NEBL: variants seen among roughly 807,000 people sequenced by gnomAD.
NEBL encodes nebulette.
In NEBL, 122 loss-of-function variants were observed where a neutral mutation model predicts 140.2. The ratio of observed to expected loss-of-function variants is 0.87; its 90% CI spans 0.75 to 1.01. NEBL has a LOEUF of 1.01. NEBL is among the 50% of genes least tolerant of loss of function. NEBL has a pLI of 0.00. For synonymous variants in NEBL, 436 were observed against 398.9 expected (o/e 1.09, Z -1.11); for missense variants, 1,365 against 1,231.3 (o/e 1.11, Z -1.62).
At chr10:21,029,292 T>A in intron 2 of NEBL, 1 of 1,608,448 alleles carries the variant, frequency 6.2e-7, no homozygotes, top group Non-Finnish European at 8.5e-7. Context: ...CCTACACTTC[T>A]TTTCTAGGGA....
At chr10:20,807,510 G>A (rs1837713174) in intron 26 of NEBL, among the ~76,000 whole-genome samples, 1 of 152,152 alleles carries the variant, frequency 6.6e-6, no homozygotes, top group Non-Finnish European at 1.5e-5. Context: ...TACAATTCAA[G>A]ATGTATAGAA....
intron 3 of NEBL, among the ~76,000 whole-genome samples, chr10:21,229,181 G>T (rs1842211189): frequency 6.6e-6 from 1 of 152,180 alleles, no homozygotes; most frequent in Non-Finnish European, 1.5e-5. Flanking sequence ...AGCACTTTGG[G>T]AGGCCAAGGC....
intron 2 of NEBL, among the ~76,000 whole-genome samples, chr10:21,036,083 A>G (rs1029398074): frequency 2.6e-5 from 4 of 152,234 alleles, no homozygotes; most frequent in East Asian, 1.9e-4. Context: ...GAATCACTTG[A>G]ACCCAGGGGG....
At chr10:21,161,099 G>A (rs953383880) in intron 2 of NEBL, among the ~76,000 whole-genome samples, 2 of 152,136 alleles carry the variant, frequency 1.3e-5, no homozygotes, top group Non-Finnish European at 2.9e-5. Context: ...CTGTTCATGT[G>A]CATTATCAGT....
chr10:21,042,803 T>C (rs1834332334), intron 2 of NEBL, among the ~76,000 whole-genome samples: 1 of 152,246 alleles, frequency 6.6e-6, no homozygotes, highest in South Asian at 2.1e-4. Context: ...AATTTTCTCT[T>C]TCACATGATA....
At chr10:21,211,820 G>A (rs113346430) in intron 3 of NEBL, among the ~76,000 whole-genome samples, 9 of 152,152 alleles carry the variant, frequency 5.9e-5, no homozygotes, top group Non-Finnish European at 8.8e-5. Context: ...TGATGGAAAC[G>A]GATCTGTCGT....
At chr10:20,888,998 C>G (rs960032663) in intron 3 of NEBL, among the ~76,000 whole-genome samples, 1 of 152,218 alleles carries the variant, frequency 6.6e-6, no homozygotes, top group Non-Finnish European at 1.5e-5. Context: ...TCTGCTACCA[C>G]ACTCTTTGGA....
chr10:21,011,489 G>T (rs924147494), intron 3 of NEBL, among the ~76,000 whole-genome samples: 1 of 152,190 alleles, frequency 6.6e-6, no homozygotes, highest in Non-Finnish European at 1.5e-5. Context: ...CCTGCTTCCT[G>T]GTTCCCCTCT....
chr10:20,903,299 T>G (rs143782776), intron 4 of NEBL, among the ~76,000 whole-genome samples: 110 of 152,086 alleles, frequency 7.2e-4, no homozygotes, highest in Non-Finnish European at 1.3e-3. Context: ...TAAATGCAAA[T>G]TAAAACCACA....
chr10:21,140,649 A>C (rs973648541), intron 2 of NEBL, among the ~76,000 whole-genome samples: 4 of 152,228 alleles, frequency 2.6e-5, no homozygotes, highest in Non-Finnish European at 5.9e-5. Context: ...ACGGTAAAAT[A>C]AAATCACACA....
chr10:20,850,630 T>C (rs1439257819), intron 10 of NEBL, 128 bp from the exon 11 acceptor site: 1 of 663,854 alleles, frequency 1.5e-6, no homozygotes, highest in Admixed American at 2.5e-5. Flanking sequence ...GCCATTTAGG[T>C]TGAGCACTGG....
At chr10:21,067,806 G>T (rs1340481723) in intron 2 of NEBL, among the ~76,000 whole-genome samples, 3 of 151,884 alleles carry the variant, frequency 2.0e-5, no homozygotes, top group Non-Finnish European at 2.9e-5. Context: ...ATGAGAACTT[G>T]TCTCTACCAA....
chr10:21,165,986 C>T (rs72798503), intron 2 of NEBL, among the ~76,000 whole-genome samples: 18,365 of 151,776 alleles, frequency 0.12, 1,501 homozygotes, highest in East Asian at 0.31. Flanking sequence ...ATTGGGAGGC[C>T]GATGTGGGAG....
chr10:20,844,768 A>G (rs1336260342), intron 12 of NEBL, among the ~76,000 whole-genome samples: 1 of 152,022 alleles, frequency 6.6e-6, no homozygotes, highest in Non-Finnish European at 1.5e-5. Flanking sequence ...TTCACATGTG[A>G]GCATCTTATT....
At chr10:21,117,749 TC>T (rs1322677348) in intron 2 of NEBL, among the ~76,000 whole-genome samples, 1 of 152,180 alleles carries the variant, frequency 6.6e-6, no homozygotes, top group East Asian at 1.9e-4. Flanking sequence ...CACATCTTTT[TC>T]GGCTGTTCTC....
At chr10:20,885,109 C>T (rs190602843) in intron 4 of NEBL, among the ~76,000 whole-genome samples, 1 of 152,304 alleles carries the variant, frequency 6.6e-6, no homozygotes, top group African/African-American at 2.4e-5. Flanking sequence ...AGAGACTTTT[C>T]ATTAGAACCC....
In NEBL at chr10:21,223,618, C is replaced by A. The variant is rs561632565; in HGVS notation, n.348+24303G>T. ...GCTCTATTTTCAGTTTTTTGAGGAA[C>A]CTCCAATTGTTCTCCATAGTAGTTG... On this transcript the variant is annotated intron_variant and non_coding_transcript_variant, in intron 3 of 8. Coordinates refer to the NEBL transcript ENST00000675702. Among the ~76,000 whole-genome samples the A allele has an allele frequency of 7.2e-5, 11 of 152,282 alleles. No individual in the cohort carries two copies. In the South Asian group the frequency reaches 2.3e-3, roughly 32 times the overall value.
intron 2 of NEBL, among the ~76,000 whole-genome samples, chr10:21,060,576 A>T (rs1383494827): frequency 6.6e-6 from 1 of 152,038 alleles, no homozygotes; most frequent in East Asian, 1.9e-4. Flanking sequence ...CATATATTTT[A>T]AAATGGTTTT....
At position 21,029,237 on chromosome 10, in the gene NEBL, C is replaced by T. The variant is rs1270157113; in HGVS notation, c.165-9036G>A. 4 of 1,524,152 alleles carry T rather than the reference C, an allele frequency of 2.6e-6. No individual in the cohort carries two copies. The East Asian group carries it at 6.8e-5, about 26-fold the overall frequency. The allele number at this position is 1,524,152 out of a possible 1,614,324, so 94.4% of individuals were successfully genotyped here. A position where few individuals can be genotyped will look rare whatever the true frequency, so the allele number is the denominator to read the frequency against. The stretch of plus-strand genomic sequence containing the variant: ...ATCCTTCCCACTGCTCCACCGGCTG[C>T]TCGGGAACCCAATATCAACTGGAGC... On this transcript the variant is annotated intron_variant, in intron 2 of 6. Coordinates refer to the NEBL transcript ENST00000417816.
Sources: allele counts gnomAD v4.1 joint callset (sites outside exome capture counted in the v4.1 genomes callset), GRCh38; gene constraint gnomAD v4.1.1; transcripts MANE v1.5; gene names NCBI Gene and HGNC (gene_info 2026-07-23, HGNC 2026-07-21).